Variants in MLXIP observed in about 807,000 individuals in gnomAD.
MLXIP encodes the protein MLX interacting protein.
In MLXIP, 30 loss-of-function variants were observed where a neutral mutation model predicts 87.2. The observed-to-expected ratio is 0.34, with a 90% CI of 0.26 to 0.47. The LOEUF is 0.47. Among genes scored for constraint, MLXIP ranks in the 20% least tolerant of loss-of-function variants. The pLI, the probability that MLXIP is intolerant of heterozygous loss-of-function variation, is 1.00. For missense variants in MLXIP, 1,002 were observed against 1,240.1 expected (o/e 0.81, Z 2.88); for synonymous variants, 530 against 514.0 (o/e 1.03, Z -0.42).
chr12:122,129,724 C>T (rs1347317545), intron 5 of MLXIP, 95 bp downstream of exon 5: 1 of 1,473,974 alleles, frequency 6.8e-7, no homozygotes, highest in Non-Finnish European at 9.3e-7. Context: ...AGGCGGCAGG[C>T]CATGGGCCCT....
intron 1 of MLXIP, among the ~76,000 whole-genome samples, chr12:122,113,033 T>C (rs1008001368): frequency 6.6e-6 from 1 of 152,230 alleles, no homozygotes; most frequent in African/African-American, 2.4e-5. Flanking sequence ...CACAGCATTG[T>C]TTATTTGAAA....
rs993560772 is a variant in MLXIP at position 122,137,870 on chromosome 12, G to T, written c.2154+280G>T. 6.6e-6 allele frequency among the ~76,000 whole-genome samples: 1 copy of T among 152,248 alleles called. No individual in the cohort carries two copies. Among genetic ancestry groups the T allele is most frequent in the Non-Finnish European group, 1.5e-5 (1 of 68,046 alleles). ...AGGCTGCCCGCATCAGTTGCAGGAG[G>T]GGTGTGGCCACCACCAGAGCTGTGC... On this transcript the variant is annotated intron_variant, in intron 12 of 16. Transcript: ENST00000319080. The surrounding 1 kb of genome is among the most constrained non-coding windows in gnomAD (Gnocchi z 4.1).
At chr12:122,097,994 C>T (rs977122051) in intron 1 of MLXIP, among the ~76,000 whole-genome samples, 1 of 152,220 alleles carries the variant, frequency 6.6e-6, no homozygotes, top group African/African-American at 2.4e-5. Flanking sequence ...GTGCTATGCA[C>T]GGCCTCCTTC....
rs1953285472 is a variant in MLXIP at position 122,145,507 on chromosome 12, AC to A, written c.*3697del. ...CTGACGTTGGGGGGCTTACACACCC[AC>A]CTCATCTCCGTGCACAGCCATGACT... On this transcript the variant is annotated 3_prime_UTR_variant, in exon 17 of 17. Transcript: ENST00000319080. The A allele has an allele frequency of 6.6e-6, 1 of 152,264 alleles. No homozygotes were observed. The highest frequency in any genetic ancestry group is 1.5e-5 in the Non-Finnish European group (1 of 68,128). 9.4% of individuals were successfully genotyped at this position (152,264 alleles called of 1,614,324 possible).
rs760113888 is a variant in MLXIP at position 122,133,331 on chromosome 12, C to CT, written c.1093-14dup. The CT allele has an allele frequency of 6.5e-7, 1 of 1,539,110 alleles. No homozygotes were observed. The highest frequency in any genetic ancestry group is 8.8e-7 in the Non-Finnish European group (1 of 1,141,916). On this transcript the variant is annotated splice_polypyrimidine_tract_variant and intron_variant, in intron 8 of 16. Transcript: ENST00000319080. This position sits in a 1 kb window ranked among gnomAD's most constrained non-coding sequence, Gnocchi z 4.9. ...TGACCCCAGCATTGCTTCCTGGCTC[C>CT]TTTCTTCCTTTTTCAGGAGAGCATC... is the stretch of plus-strand genomic sequence containing the variant.
chr12:122,124,499 C>T (rs999691814), intron 1 of MLXIP, among the ~76,000 whole-genome samples: 2 of 145,524 alleles, frequency 1.4e-5, no homozygotes, highest in African/African-American at 2.6e-5. Context: ...TCTGCAGCTA[C>T]GCAATCCCAC....
In MLXIP at chr12:122,138,425, C is replaced by G; in HGVS notation, c.2258C>G (p.Thr753Ser). 1.2e-6 allele frequency: 2 copies of G among 1,613,584 alleles called. No individual in the cohort carries two copies. Among genetic ancestry groups the G allele is most frequent in the South Asian group, 1.1e-5 (1 of 91,076 alleles). The change falls in exon 14 of 17, where the codon ACC becomes AGC. Residue 753 changes from threonine (T) to serine (S), a missense_variant and splice_region_variant. Thr to Ser is a moderately conservative substitution (Grantham distance 58, BLOSUM62 1). Coordinates refer to ENST00000319080, the MANE Select transcript of MLXIP (RefSeq NM_014938.6). ...TCCAGCCACCTGCCCCTTCTGCAGACCAGTCACGCCATCACACTGCAGAAG... is the reference window on the plus strand; with the variant it reads ...TCCAGCCACCTGCCCCTTCTGCAGAGCAGTCACGCCATCACACTGCAGAAG... Reference protein sequence around the residue: ...NSLISNNSKLTSHAITLQKTV... With the variant: ...NSLISNNSKLSSHAITLQKTV...
At position 122,096,779 on chromosome 12, in the gene MLXIP, TC is replaced by T. The variant is rs1952359157; in HGVS notation, c.413+17517del. ...GACCCCCGAGGCTGTGACCGCGGTG[TC>T]CCCGAGGTGACTCCTGCCCTTGGCT... On this transcript the variant is annotated intron_variant, in intron 1 of 16. Coordinates refer to ENST00000319080, the MANE Select transcript of MLXIP (RefSeq NM_014938.6). Among the ~76,000 whole-genome samples, 5 of 152,106 alleles carry T rather than the reference TC, an allele frequency of 3.3e-5. No homozygotes were observed. In the South Asian group the frequency reaches 1.0e-3, roughly 32 times the overall value.
rs576775786 is a variant in MLXIP, at chr12:122,142,178, G to T, written c.*366G>T. 2.9e-6 allele frequency: 2 copies of T among 701,410 alleles called. No homozygotes were observed. Among genetic ancestry groups the T allele is most frequent in the Non-Finnish European group, 5.2e-6 (2 of 384,758 alleles). 43.4% of individuals were successfully genotyped at this position (701,410 alleles called of 1,614,324 possible). Reference sequence around the variant, plus strand: ...GGAATCGATGGGATGAGGGTGACAGGGCCTGCTCCTGTCCTGAGGCCCAGC... The same window carrying T: ...GGAATCGATGGGATGAGGGTGACAGTGCCTGCTCCTGTCCTGAGGCCCAGC... On this transcript the variant is annotated 3_prime_UTR_variant, in exon 17 of 17. Transcript: ENST00000319080.
At chr12:122,103,830 A>G (rs1037385182) in intron 1 of MLXIP, among the ~76,000 whole-genome samples, 1 of 127,382 alleles carries the variant, frequency 7.9e-6, no homozygotes, top group Admixed American at 7.9e-5. Flanking sequence ...TGCCCGGCCT[A>G]ATTTTGTTTG....
At chr12:122,123,319 G>A (rs913472547) in intron 1 of MLXIP, among the ~76,000 whole-genome samples, 11 of 152,168 alleles carry the variant, frequency 7.2e-5, no homozygotes, top group African/African-American at 2.7e-4. Context: ...TTTCCGGCCC[G>A]CCGTGGCTGG....
Position 122,142,251 on chromosome 12 carries a change from G to T in MLXIP, c.*439G>T, listed in dbSNP as rs763054011. On this transcript the variant is annotated 3_prime_UTR_variant, in exon 17 of 17. Coordinates refer to ENST00000319080, the MANE Select transcript of MLXIP (RefSeq NM_014938.6). ...GTCCACATGCATGCCTCTGCCTGAT[G>T]CCCTGCTCCACTCTCTGGTCTGCCC... 13 of 698,236 alleles carry T rather than the reference G, an allele frequency of 1.9e-5. No individual in the cohort carries two copies. In the Middle Eastern group the frequency reaches 1.1e-3, roughly 62 times the overall value. The allele number at this position is 698,236 out of a possible 1,614,324, so 43.3% of individuals were successfully genotyped here.
In MLXIP at chr12:122,142,207, G is replaced by T. The variant is rs1953220328; in HGVS notation, c.*395G>T. On this transcript the variant is annotated 3_prime_UTR_variant, in exon 17 of 17. Transcript: ENST00000319080. ...TGCTCCTGTCCTGAGGCCCAGCCTTGTCCCTCCTGCCACGTCCTGTCCACA... is the reference window on the plus strand; with the variant it reads ...TGCTCCTGTCCTGAGGCCCAGCCTTTTCCCTCCTGCCACGTCCTGTCCACA... The T allele has an allele frequency of 1.4e-6, 1 of 701,006 alleles. No individual in the cohort carries two copies. The allele number at this position is 701,006 out of a possible 1,614,324, so 43.4% of individuals were successfully genotyped here.
At position 122,130,869 on chromosome 12, in the gene MLXIP, C is replaced by G. The variant is rs1247150467; in HGVS notation, c.936C>G (p.Ile312Met). 6.2e-7 allele frequency: 1 copy of G among 1,613,620 alleles called. No individual in the cohort carries two copies. Among genetic ancestry groups the G allele is most frequent in the Admixed American group, 1.7e-5 (1 of 60,004 alleles). Reference protein sequence around the residue: ...EIAHLGNADMIQPGLIPLQPN... With the variant: ...EIAHLGNADMMQPGLIPLQPN... ...CACATCTGGGAAATGCAGACATGAT[C>G]CAGCCGGGACTGATTCCTTTGCAGC... Residue 312 changes from isoleucine to methionine, a missense_variant, in exon 7 of 17, where the codon ATC (isoleucine) becomes ATG (methionine). Transcript: ENST00000319080.
intron 8 of MLXIP, 45 bp downstream of exon 8, chr12:122,132,428 C>T (rs1323731317): frequency 1.4e-6 from 2 of 1,453,960 alleles, no homozygotes; most frequent in Non-Finnish European, 9.5e-7. Flanking sequence ...CTGGCAGGCA[C>T]AGGGCTGCTC....
At chr12:122,131,070 G>C in intron 7 of MLXIP, 137 bp downstream of exon 7, 1 of 625,842 alleles carries the variant, frequency 1.6e-6, no homozygotes, top group Admixed American at 2.8e-5. Context: ...TTTTTAAACT[G>C]AACTGTTTTT....
At chr12:122,114,761 G>GT (rs1414787158) in intron 1 of MLXIP, among the ~76,000 whole-genome samples, 4 of 147,150 alleles carry the variant, frequency 2.7e-5, no homozygotes, top group African/African-American at 5.0e-5. Flanking sequence ...TTTTTGGTGG[G>GT]GGGGGACAGG....
intron 1 of MLXIP, among the ~76,000 whole-genome samples, chr12:122,097,081 C>T (rs890102395): frequency 7.2e-5 from 11 of 152,326 alleles, no homozygotes; most frequent in African/African-American, 2.6e-4. Flanking sequence ...GTGGTGCTTC[C>T]GTGGGCCTGT....
intron 1 of MLXIP, among the ~76,000 whole-genome samples, chr12:122,122,136 C>T (rs1028500898): frequency 2.0e-5 from 3 of 152,098 alleles, no homozygotes; most frequent in African/African-American, 7.2e-5. Context: ...AGCCAGTGGT[C>T]TTGCAGAAAT....
Sources: gnomAD v4.1 joint callset for allele counts (sites outside exome capture counted in the v4.1 genomes callset) on GRCh38, gnomAD v4.1.1 for gene constraint, Gnocchi (gnomAD v3.1) non-coding constraint, MANE v1.5 for transcripts, NCBI Gene and HGNC (gene_info 2026-07-23, HGNC 2026-07-21) for gene names.